Variants in ALAD observed in about 807,000 individuals in gnomAD.
The protein encoded by ALAD is aminolevulinate dehydratase.
ALAD carries 20 observed loss-of-function variants against 44.4 expected under a neutral mutation model. The ratio of observed to expected loss-of-function variants is 0.45; its 90% CI spans 0.32 to 0.65. ALAD has a LOEUF of 0.65. Among genes scored for constraint, ALAD ranks in the 30% least tolerant of loss-of-function variants. The probability of loss-of-function intolerance (pLI) is 0.05; values close to 1 mark genes in which losing one functional copy is unlikely to be tolerated. For missense variants in ALAD, 323 were observed against 445.7 expected (o/e 0.72, Z 2.48); for synonymous variants, 156 against 167.9 (o/e 0.93, Z 0.55).
rs1827552894 is a variant in ALAD, at chr9:113,390,667, C to T, written c.407G>A (p.Ser136Asn). Residue 136 changes from serine to asparagine, a missense_variant, in exon 6 of 12, where the codon AGT becomes AAT. Transcript: ENST00000409155. ...CTCAGCCCGGAATGCTCCGTTTTCA[C>T]TCAGGAGCCCTTCAGGACAGATGAC... ...YTSHGHCGLL[S>N]ENGAFRAEES... 3.1e-6 allele frequency: 5 copies of T among 1,613,828 alleles called. No homozygotes were observed. Among genetic ancestry groups the T allele is most frequent in the Non-Finnish European group, 4.2e-6 (5 of 1,179,936 alleles).
rs544930182 is a variant in ALAD at position 113,387,759 on chromosome 9, A to G, written c.*541T>C. On this transcript the variant is annotated 3_prime_UTR_variant, in exon 12 of 12. Transcript: ENST00000409155. ...ATTCTTCTCTGGGTTTATGGTTCAG[A>G]GTAGAATAGGAGACCTCAGGCAGCC... The G allele has an allele frequency of 5.3e-6, 1 of 188,974 alleles. No homozygotes were observed. The highest frequency in any genetic ancestry group is 1.3e-4 in the East Asian group (1 of 7,736). 11.7% of individuals were successfully genotyped at this position (188,974 alleles called of 1,614,324 possible).
In ALAD at chr9:113,393,595, T is replaced by C. The variant is rs1827655334; in HGVS notation, c.-36A>G. On this transcript the variant is annotated 5_prime_UTR_variant, in exon 2 of 12. Transcript: ENST00000409155. ...AGTGGGCACAGGGGCATCAGTTGGT[T>C]GGAACCGAGGGCTCCTGGGGCATTG... 3 of 1,574,278 alleles carry C rather than the reference T, an allele frequency of 1.9e-6. No individual in the cohort carries two copies. The highest frequency in any genetic ancestry group is 2.6e-6 in the Non-Finnish European group (3 of 1,145,546).
intron 1 of ALAD, chr9:113,396,438 A>C (rs554911080): frequency 3.8e-4 from 57 of 151,346 alleles, no homozygotes; most frequent in African/African-American, 1.4e-3. Flanking sequence ...TTGGTTTTGC[A>C]GGATGAGTGG....
Position 113,390,671 on chromosome 9 carries a change from G to T in ALAD, c.403C>A (p.Leu135Met), listed in dbSNP as rs770336428. The stretch of plus-strand genomic sequence containing the variant: ...GCCCGGAATGCTCCGTTTTCACTCA[G>T]GAGCCCTTCAGGACAGATGACTGGG... The part of the protein sequence containing the change: ...PYTSHGHCGL[L>M]SENGAFRAEE... The change falls in exon 6 of 12, where the codon CTG (leucine) becomes ATG (methionine). Residue 135 changes from leucine (L) to methionine (M), a missense_variant. Coordinates refer to ENST00000409155, the MANE Select transcript of ALAD (RefSeq NM_000031.6). The T allele has an allele frequency of 1.9e-6, 3 of 1,613,914 alleles. No homozygotes were observed. The highest frequency in any genetic ancestry group is 2.5e-6 in the Non-Finnish European group (3 of 1,179,908).
intron 2 of ALAD, chr9:113,392,418 T>A: frequency 8.8e-7 from 1 of 1,138,582 alleles, no homozygotes; most frequent in Non-Finnish European, 1.2e-6. Context: ...AGGAAGGAAT[T>A]AAGTGGTTAA....
intron 3 of ALAD, 28 bp downstream of exon 3, chr9:113,392,091 G>C (rs371264974): frequency 6.3e-7 from 1 of 1,581,822 alleles, no homozygotes; most frequent in Admixed American, 1.8e-5. Flanking sequence ...TCCACCACCC[G>C]CTGGCCCCCC....
chr9:113,389,123 A>G lies in ALAD; in HGVS notation c.802-17T>C. 1 of 1,613,832 alleles carries G rather than the reference A, an allele frequency of 6.2e-7. No homozygotes were observed. The highest frequency in any genetic ancestry group is 8.5e-7 in the Non-Finnish European group (1 of 1,180,012). ...GTCAGGGTGCTGCAGGGAAGCAGAC[A>G]GGGAGACAGGCTGAAATGGAGGGTG... On this transcript the variant is annotated splice_polypyrimidine_tract_variant and intron_variant, in intron 10 of 11. Coordinates refer to ENST00000409155, the MANE Select transcript of ALAD (RefSeq NM_000031.6).
Position 113,387,808 on chromosome 9 carries a change from A to C in ALAD, c.*492T>G. On this transcript the variant is annotated 3_prime_UTR_variant, in exon 12 of 12. Coordinates refer to ENST00000409155, the MANE Select transcript of ALAD (RefSeq NM_000031.6). ...CCTGGCAACCTCTGGCCTCGTGGGA[A>C]ATGCCTTCCAGTGGAATTGCGGCAA... The C allele has an allele frequency of 4.7e-6, 1 of 211,496 alleles. No individual in the cohort carries two copies. The highest frequency in any genetic ancestry group is 7.8e-5 in the South Asian group (1 of 12,784). The allele number at this position is 211,496 out of a possible 1,614,324, so 13.1% of individuals were successfully genotyped here. A position where few individuals can be genotyped will look rare whatever the true frequency, so the allele number is the denominator to read the frequency against.
chr9:113,390,107 T>G (rs991561922), intron 7 of ALAD, among the ~76,000 whole-genome samples: 2 of 152,148 alleles, frequency 1.3e-5, no homozygotes, highest in African/African-American at 4.8e-5. Context: ...CTCAGCTCAC[T>G]GCCTCGTGGG....
Position 113,393,435 on chromosome 9 carries a change from T to G in ALAD, c.113+12A>C, listed in dbSNP as rs1172077212. ...AGCAGAGCAGAGGCCTGGCCCATTC[T>G]TGGAGACTCACGTGACAAAGATGGG... On this transcript the variant is annotated intron_variant, in intron 2 of 11. Transcript: ENST00000409155. The G allele has an allele frequency of 7.1e-7, 1 of 1,417,098 alleles. No homozygotes were observed. Among genetic ancestry groups the G allele is most frequent in the African/African-American group, 1.4e-5 (1 of 73,178 alleles). The allele number at this position is 1,417,098 out of a possible 1,614,324, so 87.8% of individuals were successfully genotyped here.
Position 113,387,463 on chromosome 9 carries a change from A to G in ALAD, c.*837T>C, listed in dbSNP as rs11556127. On this transcript the variant is annotated 3_prime_UTR_variant, in exon 12 of 12. Coordinates refer to ENST00000409155, the MANE Select transcript of ALAD (RefSeq NM_000031.6). ...TCAGACCCCTTCTTTCCTTCAAAGCACTTATCACAATTTGTAACTGCTTTA... is the reference window on the plus strand; with the variant it reads ...TCAGACCCCTTCTTTCCTTCAAAGCGCTTATCACAATTTGTAACTGCTTTA... The G allele has an allele frequency of 2.6e-4, 40 of 152,314 alleles. No homozygotes were observed. Among genetic ancestry groups the G allele is most frequent in the Middle Eastern group, 6.8e-3 (2 of 294 alleles). The allele number at this position is 152,314 out of a possible 1,614,324, so 9.4% of individuals were successfully genotyped here.
chr9:113,394,913 G>C (rs925015969), intron 1 of ALAD, among the ~76,000 whole-genome samples: 1 of 152,090 alleles, frequency 6.6e-6, no homozygotes, highest in Non-Finnish European at 1.5e-5. Context: ...AAATTAGCTG[G>C]GCGTGGTGGT....
intron 1 of ALAD, among the ~76,000 whole-genome samples, chr9:113,394,878 C>G (rs1827684766): frequency 6.6e-6 from 1 of 151,940 alleles, no homozygotes; most frequent in African/African-American, 2.4e-5. Context: ...ACAGTTAAAC[C>G]CCACCTCTAC....
chr9:113,391,442 G>T, intron 4 of ALAD, 85 bp downstream of exon 4: 1 of 1,180,482 alleles, frequency 8.5e-7, no homozygotes, highest in Non-Finnish European at 1.3e-6. Context: ...GGGCTCAAGT[G>T]ATCCACCCAC....
chr9:113,400,085 T>A (rs1827818536), intron 1 of ALAD, among the ~76,000 whole-genome samples: 1 of 152,222 alleles, frequency 6.6e-6, no homozygotes, highest in Non-Finnish European at 1.5e-5. Flanking sequence ...GTTAGCCATT[T>A]AGACGTAGGA....
At chr9:113,396,157 T>A (rs1314969733) in intron 1 of ALAD, 2 of 151,960 alleles carry the variant, frequency 1.3e-5, no homozygotes, top group African/African-American at 4.8e-5. Context: ...GATCGTGCCA[T>A]TGCACTCCAG....
chr9:113,398,271 G>A (rs935664073), intron 1 of ALAD: 3 of 152,172 alleles, frequency 2.0e-5, no homozygotes, highest in African/African-American at 7.2e-5. Flanking sequence ...GGCTCTGAGC[G>A]GTTCAGTGAC....
rs1827433747 is a variant in ALAD at position 113,387,608 on chromosome 9, A to G, written c.*692T>C. On this transcript the variant is annotated 3_prime_UTR_variant, in exon 12 of 12. Transcript: ENST00000409155. The stretch of plus-strand genomic sequence containing the variant: ...CCAGCACTGAACCTAGGAACAGAGC[A>G]GAGATTCTCAAAAAGTATCTCCTGA... The G allele has an allele frequency of 6.3e-6, 1 of 157,844 alleles. No homozygotes were observed. The highest frequency in any genetic ancestry group is 1.4e-5 in the Non-Finnish European group (1 of 71,262). The allele number at this position is 157,844 out of a possible 1,614,324, so 9.8% of individuals were successfully genotyped here.
At chr9:113,400,588 C>T (rs1428013788) in intron 1 of ALAD, among the ~76,000 whole-genome samples, 2 of 151,738 alleles carry the variant, frequency 1.3e-5, no homozygotes, top group African/African-American at 2.4e-5. Context: ...TTTGGGAGGC[C>T]GAGGTGGGCG....
Sources: gnomAD v4.1 joint callset for allele counts (sites outside exome capture counted in the v4.1 genomes callset) on GRCh38, gnomAD v4.1.1 for gene constraint, MANE v1.5 for transcripts, NCBI Gene and HGNC (gene_info 2026-07-23, HGNC 2026-07-21) for gene names.